The following PLA2G4F variants were observed in gnomAD, a reference collection of about 807,000 sequenced individuals.
PLA2G4F encodes the protein phospholipase A2 group IVF.
PLA2G4F carries 105 observed loss-of-function variants against 103.1 expected under a neutral mutation model. The observed-to-expected ratio is 1.02, with a 90% CI of 0.87 to 1.20. The LOEUF (loss-of-function observed/expected upper bound fraction) is 1.20. PLA2G4F is among the 50% of genes most tolerant of loss of function. The pLI is 0.00. For missense variants in PLA2G4F, 1,155 were observed against 1,075.9 expected (o/e 1.07, Z -1.03); for synonymous variants, 468 against 441.1 (o/e 1.06, Z -0.76).
At chr15:42,155,211 ACACACTCGCT>A (rs1450762132) in intron 2 of PLA2G4F, among the ~76,000 whole-genome samples, 3 of 151,426 alleles carry the variant, frequency 2.0e-5, no homozygotes, top group Non-Finnish European at 4.4e-5. Flanking sequence ...ATTTGCACTC[ACACACTCGCT>A]CACACTTGCA....
chr15:42,152,687 C>T lies in PLA2G4F; in HGVS notation c.601+1G>A. 1 of 1,555,182 alleles carries T rather than the reference C, an allele frequency of 6.4e-7. No homozygotes were observed. The highest frequency in any genetic ancestry group is 2.4e-5 in the East Asian group (1 of 41,256). Reference sequence around the variant, plus strand: ...GACCCAAGGCCGCTGAGCAGACTCACCGTACTCTTCCCGTGGGGCTGTCCC... The same window carrying T: ...GACCCAAGGCCGCTGAGCAGACTCATCGTACTCTTCCCGTGGGGCTGTCCC... On this transcript the variant is annotated splice_donor_variant, in intron 7 of 19. Coordinates refer to ENST00000397272, the MANE Select transcript of PLA2G4F (RefSeq NM_213600.4). LOFTEE classifies it high-confidence loss of function.
intron 16 of PLA2G4F, 117 bp from the exon 17 acceptor site, chr15:42,144,761 C>A (rs2141127130): frequency 9.4e-7 from 1 of 1,060,982 alleles, no homozygotes; most frequent in East Asian, 2.8e-5. Flanking sequence ...ATCCCTCCTC[C>A]TCCCTGACCC....
At chr15:42,146,061 C>A in intron 14 of PLA2G4F, 66 bp downstream of exon 14, 4 of 1,590,486 alleles carry the variant, frequency 2.5e-6, no homozygotes, top group Non-Finnish European at 3.4e-6. Context: ...ACCCTGATCA[C>A]CCTGGCCTCT....
At chr15:42,155,073 TAC>T (rs2049001084) in intron 2 of PLA2G4F, among the ~76,000 whole-genome samples, 1 of 150,704 alleles carries the variant, frequency 6.6e-6, no homozygotes, top group African/African-American at 2.5e-5. Flanking sequence ...CAGACACACA[TAC>T]ACAACACGCA....
In PLA2G4F at chr15:42,141,997, C is replaced by G. The variant is rs1444060440; in HGVS notation, c.2537G>C (p.Arg846Thr). ...LALDRHQARE[R>T]AGA ...TTCCTGCCTTGGTCAGGCCCCTGCC[C>G]TCTCCCGAGCCTGGTGCCGGTCCAG... The change falls in exon 20 of 20, where the codon AGG (arginine) becomes ACG (threonine). Residue 846 changes from arginine to threonine, a missense_variant. Transcript: ENST00000397272. The G allele has an allele frequency of 6.2e-7, 1 of 1,613,624 alleles. No homozygotes were observed. Among genetic ancestry groups the G allele is most frequent in the Non-Finnish European group, 8.5e-7 (1 of 1,179,944 alleles).
rs2048829579 is a variant in PLA2G4F at position 42,141,926 on chromosome 15, G to C, written c.*58C>G. ...GTCCCCATCGCTCCTCCCTCTACAA[G>C]CCCTGACCATGAGCAGTGTGTCTCC... is the stretch of plus-strand genomic sequence containing the variant. On this transcript the variant is annotated 3_prime_UTR_variant, in exon 20 of 20. Coordinates refer to ENST00000397272, the MANE Select transcript of PLA2G4F (RefSeq NM_213600.4). 1 of 1,516,254 alleles carries C rather than the reference G, an allele frequency of 6.6e-7. No homozygotes were observed. Among genetic ancestry groups the C allele is most frequent in the African/African-American group, 1.4e-5 (1 of 72,844 alleles). The allele number at this position is 1,516,254 out of a possible 1,614,324, so 93.9% of individuals were successfully genotyped here. A position where few individuals can be genotyped will look rare whatever the true frequency, so the allele number is the denominator to read the frequency against.
In PLA2G4F at chr15:42,150,502, C is replaced by T. The variant is rs1273057286; in HGVS notation, c.772-16G>A. ...TGGGGCCACTCTGTGGAAAAGAAAA[C>T]ACCCAAGAAGCTCTCCAGCAGGGAA... On this transcript the variant is annotated splice_polypyrimidine_tract_variant and intron_variant, in intron 8 of 19. Coordinates refer to ENST00000397272, the MANE Select transcript of PLA2G4F (RefSeq NM_213600.4). The T allele has an allele frequency of 6.2e-7, 1 of 1,608,706 alleles. No homozygotes were observed.
chr15:42,147,752 ACTACAGGCAC>A lies in PLA2G4F; in HGVS notation c.1060_1069del (p.Val354TrpfsTer29). 6.2e-7 allele frequency: 1 copy of A among 1,613,928 alleles called. No individual in the cohort carries two copies. Among genetic ancestry groups the A allele is most frequent in the Non-Finnish European group, 8.5e-7 (1 of 1,179,948 alleles). On this transcript the variant is annotated frameshift_variant and splice_region_variant, in exon 12 of 20. Transcript: ENST00000397272. LOFTEE classifies it high-confidence loss of function. ...TCCACCCCCGGAACCCAACACAGCCACTACAGGCACCTGGGTACAATAATAACAAGGATAA... is the reference window on the plus strand; with the variant it reads ...TCCACCCCCGGAACCCAACACAGCCACTGGGTACAATAATAACAAGGATAA...
In PLA2G4F at chr15:42,141,945, T is replaced by A. The variant is rs1470911243; in HGVS notation, c.*39A>T. The stretch of plus-strand genomic sequence containing the variant: ...CTACAAGCCCTGACCATGAGCAGTG[T>A]GTCTCCTCTCTGTCACAGTCCTCCG... On this transcript the variant is annotated 3_prime_UTR_variant, in exon 20 of 20. Transcript: ENST00000397272. 6.4e-7 allele frequency: 1 copy of A among 1,565,524 alleles called. No homozygotes were observed. Among genetic ancestry groups the A allele is most frequent in the East Asian group, 2.2e-5 (1 of 44,674 alleles).
rs778660285 is a variant in PLA2G4F, at chr15:42,154,141, C to T, written c.401G>A (p.Ser134Asn). The change falls in exon 4 of 20, where the codon AGC becomes AAC. Residue 134 changes from serine to asparagine, a missense_variant. By Grantham distance (46) the Ser-to-Asn change is conservative. Around this residue, in one of 3 missense-constraint regions of PLA2G4F, gnomAD observed 370 missense variants for 364.9 expected, o/e 1.01. Transcript: ENST00000397272. ...TTTGTGAGGTTGGCCACACTTGAGG[C>T]TTCTCAGGTCAAACAGGAGCAGAGA... ...QLSLLLFDLR[S>N]LKCGQPHKHT... 1.2e-6 allele frequency: 2 copies of T among 1,614,240 alleles called. No homozygotes were observed. Among genetic ancestry groups the T allele is most frequent in the South Asian group, 2.2e-5 (2 of 91,088 alleles).
rs573939802 is a variant in PLA2G4F at position 42,148,730 on chromosome 15, T to A, written c.1060-968A>T. On this transcript the variant is annotated intron_variant, in intron 11 of 19. Transcript: ENST00000397272. ...CTCAGGATCGGAGGTGCCTGAGGGG[T>A]CAGAGTCCATGCTTTTGGTTGCTTA... is the stretch of plus-strand genomic sequence containing the variant. 3.0e-6 allele frequency: 3 copies of A among 985,284 alleles called. No individual in the cohort carries two copies. The African/African-American group carries it at 5.2e-5, about 17-fold the overall frequency. 61.0% of individuals were successfully genotyped at this position (985,284 alleles called of 1,614,324 possible).
rs1470747066 is a variant in PLA2G4F, at chr15:42,144,013, G to A, written c.2107C>T (p.Leu703=). ...GCTTCCAAGGAATAGTCAAAGGACA[G>A]AATGAGGTCCACTGCTCTCTGAGGC... ...LLPQRAVDLI[L]SFDYSLEAPF... The change falls in exon 18 of 20, where the codon CTG becomes TTG. Residue 703 remains leucine (L), a synonymous_variant. Coordinates refer to ENST00000397272, the MANE Select transcript of PLA2G4F (RefSeq NM_213600.4). The A allele has an allele frequency of 6.2e-7, 1 of 1,613,462 alleles. No homozygotes were observed. The highest frequency in any genetic ancestry group is 8.5e-7 in the Non-Finnish European group (1 of 1,179,704).
chr15:42,143,994 A>C lies in PLA2G4F; in HGVS notation c.2126T>G (p.Leu709Trp), dbSNP rs766788598. 1 of 1,607,638 alleles carries C rather than the reference A, an allele frequency of 6.2e-7. No homozygotes were observed. Among genetic ancestry groups the C allele is most frequent in the East Asian group, 2.2e-5 (1 of 44,604 alleles). ...CCAGCTCACCTCAAAAGGGGCTTCCAAGGAATAGTCAAAGGACAGAATGAG... is the reference window on the plus strand; with the variant it reads ...CCAGCTCACCTCAAAAGGGGCTTCCCAGGAATAGTCAAAGGACAGAATGAG... ...VDLILSFDYS[L>W]EAPFEVLKMT... The change falls in exon 18 of 20, where the codon TTG becomes TGG. Residue 709 changes from leucine to tryptophan, a missense_variant. Coordinates refer to ENST00000397272, the MANE Select transcript of PLA2G4F (RefSeq NM_213600.4).
rs754340818 is a variant in PLA2G4F, at chr15:42,147,225, G to A, written c.1318C>T (p.Gln440Ter). ...KMGALSTERL[Q>*]YYTQELGVRE... The stretch of plus-strand genomic sequence containing the variant: ...ACCCCCAGTTCCTGAGTGTAGTACT[G>A]TAGCCGCTCCGTGGACAAAGCTCCC... Residue 440 changes from glutamine to a stop codon, truncating the protein, a stop_gained, in exon 13 of 20, where the codon CAG becomes TAG. Coordinates refer to ENST00000397272, the MANE Select transcript of PLA2G4F (RefSeq NM_213600.4). LOFTEE classifies it high-confidence loss of function. 9 of 1,612,638 alleles carry A rather than the reference G, an allele frequency of 5.6e-6. No homozygotes were observed. In the South Asian group the frequency reaches 7.7e-5, roughly 14 times the overall value.
intron 11 of PLA2G4F, among the ~76,000 whole-genome samples, chr15:42,148,167 G>A (rs2048914393): frequency 2.1e-5 from 3 of 143,152 alleles, no homozygotes; most frequent in African/African-American, 5.5e-5. Context: ...GGGCGACAGA[G>A]CGAGACTCCG....
intron 11 of PLA2G4F, among the ~76,000 whole-genome samples, chr15:42,148,334 C>T (rs2048916133): frequency 6.6e-6 from 1 of 152,194 alleles, no homozygotes; most frequent in South Asian, 2.1e-4. Flanking sequence ...ACCATTCGAC[C>T]TGGAAGATAT....
chr15:42,152,812 G>T, intron 6 of PLA2G4F, 58 bp from the exon 7 acceptor site: 1 of 1,493,914 alleles, frequency 6.7e-7, no homozygotes, highest in Non-Finnish European at 9.1e-7. Context: ...CCAGGATGGA[G>T]AGAGGGAGGA....
At chr15:42,152,975 C>T (rs2048975284) in intron 6 of PLA2G4F, among the ~76,000 whole-genome samples, 1 of 152,314 alleles carries the variant, frequency 6.6e-6, no homozygotes, top group Non-Finnish European at 1.5e-5. Context: ...TACCTAGCCC[C>T]TCTCCCCAGA....
At chr15:42,142,374 G>A (rs1330769923) in intron 19 of PLA2G4F, among the ~76,000 whole-genome samples, 154 bp downstream of exon 19, 1 of 152,178 alleles carries the variant, frequency 6.6e-6, no homozygotes, top group Admixed American at 6.5e-5. Flanking sequence ...CCATCTGAAC[G>A]CTGAGACCCA....
Sources: allele counts gnomAD v4.1 joint callset (sites outside exome capture counted in the v4.1 genomes callset), GRCh38; gene constraint gnomAD v4.1.1; regional missense constraint gnomAD v4.1.1; transcripts MANE v1.5; gene names NCBI Gene and HGNC (gene_info 2026-07-23, HGNC 2026-07-21).